RAB1A: variants seen among roughly 807,000 people sequenced by gnomAD.
The protein encoded by RAB1A is RAB1A, member RAS oncogene family.
A neutral mutation model predicts 26.0 loss-of-function variants in RAB1A; 2 were observed. The observed-to-expected ratio is 0.08, with a 90% confidence interval of 0.03 to 0.24. The LOEUF is 0.24. Ranked by LOEUF, RAB1A falls within the 10% of genes least tolerant of loss-of-function variation. The probability of loss-of-function intolerance (pLI) is 1.00; values close to 1 mark genes in which losing one functional copy is unlikely to be tolerated. For synonymous variants in RAB1A, 84 were observed against 84.9 expected (o/e 0.99, Z 0.06); for missense variants, 100 against 247.0 (o/e 0.40, Z 3.99).
At chr2:65,106,569 G>A (rs114141597) in intron 1 of RAB1A, among the ~76,000 whole-genome samples, 133 of 150,300 alleles carry the variant, frequency 8.8e-4, no homozygotes, top group African/African-American at 3.0e-3. Flanking sequence ...TATACTTATT[G>A]TCTTTAATTA....
intron 5 of RAB1A, 29 bp from the exon 6 acceptor site, chr2:65,088,719 C>A (rs139383794): frequency 6.5e-7 from 1 of 1,541,442 alleles, no homozygotes; most frequent in African/African-American, 1.4e-5. Flanking sequence ...ACAATTAACA[C>A]TGAAAAATCT....
chr2:65,096,282 T>C (rs2103832153), intron 3 of RAB1A, among the ~76,000 whole-genome samples: 1 of 152,188 alleles, frequency 6.6e-6, no homozygotes, highest in Admixed American at 6.5e-5. Flanking sequence ...GCCACTGCAC[T>C]CCAGCCTGGG....
At chr2:65,093,975 CTTTT>C (rs57541246) in intron 3 of RAB1A, among the ~76,000 whole-genome samples, 1 of 146,438 alleles carries the variant, frequency 6.8e-6, no homozygotes, top group Non-Finnish European at 1.5e-5. Flanking sequence ...AGACCCTCTT[CTTTT>C]TTTTTTTTGA....
chr2:65,117,278 G>GA (rs954891332), intron 1 of RAB1A, among the ~76,000 whole-genome samples: 7 of 151,990 alleles, frequency 4.6e-5, no homozygotes, highest in Non-Finnish European at 1.0e-4. Context: ...ATGCTGCCCA[G>GA]GTCTCAAACT....
chr2:65,118,941 C>A (rs530688137), intron 1 of RAB1A, among the ~76,000 whole-genome samples: 2 of 152,072 alleles, frequency 1.3e-5, no homozygotes, highest in African/African-American at 2.4e-5. Flanking sequence ...GTAATCCCAG[C>A]ACGTTGGGAG....
intron 1 of RAB1A, among the ~76,000 whole-genome samples, chr2:65,127,732 CAATA>C (rs985578158): frequency 6.6e-5 from 10 of 152,076 alleles, no homozygotes; most frequent in Non-Finnish European, 8.8e-5. Flanking sequence ...CGTCTCAAAA[CAATA>C]AATAATTTTT....
At chr2:65,126,963 T>C (rs1340835920) in intron 1 of RAB1A, among the ~76,000 whole-genome samples, 1 of 152,192 alleles carries the variant, frequency 6.6e-6, no homozygotes. Flanking sequence ...CCTTGTGACC[T>C]CCCCTAATAA....
At chr2:65,109,872 G>T (rs1669653453) in intron 1 of RAB1A, among the ~76,000 whole-genome samples, 2 of 152,054 alleles carry the variant, frequency 1.3e-5, no homozygotes, top group Non-Finnish European at 2.9e-5. Context: ...CTACCCTCGA[G>T]AAGTTTGGGG....
At chr2:65,089,573 C>T (rs1669120345) in intron 4 of RAB1A, among the ~76,000 whole-genome samples, 1 of 152,118 alleles carries the variant, frequency 6.6e-6, no homozygotes, top group Admixed American at 6.5e-5. Flanking sequence ...AATTTACAGG[C>T]TTAACGATGA....
chr2:65,099,846 T>C lies in RAB1A; in HGVS notation c.97-1780A>G, dbSNP rs532119747. ...AGTAGCTACTCTAAGGATAGTGCAGTTCTAGGTCTTCTAATTACAGAAAGA... is the reference window on the plus strand; with the variant it reads ...AGTAGCTACTCTAAGGATAGTGCAGCTCTAGGTCTTCTAATTACAGAAAGA... On this transcript the variant is annotated intron_variant, in intron 2 of 5. Coordinates refer to ENST00000409784, the MANE Select transcript of RAB1A (RefSeq NM_004161.5). Among the ~76,000 whole-genome samples, 3 of 152,218 alleles carry C rather than the reference T, an allele frequency of 2.0e-5. No individual in the cohort carries two copies. In the East Asian group the frequency reaches 5.8e-4, roughly 29 times the overall value.
intron 1 of RAB1A, among the ~76,000 whole-genome samples, chr2:65,120,925 T>G (rs1023366015): frequency 2.6e-5 from 4 of 152,136 alleles, no homozygotes; most frequent in Non-Finnish European, 4.4e-5. Context: ...TGAAGATCAC[T>G]AGTTTGAGAC....
At chr2:65,091,141 G>C in intron 3 of RAB1A, 63 bp from the exon 4 acceptor site, 1 of 1,265,576 alleles carries the variant, frequency 7.9e-7, no homozygotes, top group Non-Finnish European at 1.1e-6. Context: ...GAAAAGTGTA[G>C]GAGGGAGGGG....
intron 1 of RAB1A, among the ~76,000 whole-genome samples, chr2:65,126,257 T>C (rs1277735036): frequency 6.6e-6 from 1 of 151,336 alleles, no homozygotes; most frequent in Non-Finnish European, 1.5e-5. Context: ...GAGATTGCAG[T>C]GAGCCAAGAT....
At chr2:65,100,938 G>C (rs7579489) in intron 2 of RAB1A, among the ~76,000 whole-genome samples, 98,951 of 151,708 alleles carry the variant, frequency 0.65, 32,540 homozygotes, top group Non-Finnish European at 0.69. Flanking sequence ...TTGAGCTCAG[G>C]AGTTGGAGAC....
At chr2:65,105,184 C>G (rs1384267706) in intron 1 of RAB1A, among the ~76,000 whole-genome samples, 2 of 152,016 alleles carry the variant, frequency 1.3e-5, no homozygotes, top group African/African-American at 2.4e-5. Flanking sequence ...ATTGTTTTTG[C>G]CCATGAAATA....
In RAB1A at chr2:65,093,724, G is replaced by C. The variant is rs148487577; in HGVS notation, c.193-2646C>G. 7.5e-3 allele frequency among the ~76,000 whole-genome samples: 1,128 copies of C among 151,012 alleles called. 12 individuals carry two copies. Among genetic ancestry groups the C allele is most frequent in the African/African-American group, 0.026 (1,070 of 41,122 alleles). ...TGCAATCTCCGCCTCCTGGGTTCAAGTGATTCCCCTGTCTCAGCCTCCCAA... is the reference window on the plus strand; with the variant it reads ...TGCAATCTCCGCCTCCTGGGTTCAACTGATTCCCCTGTCTCAGCCTCCCAA... On this transcript the variant is annotated intron_variant, in intron 3 of 5. Coordinates refer to ENST00000409784, the MANE Select transcript of RAB1A (RefSeq NM_004161.5).
chr2:65,125,423 C>CTTT (rs35048150), intron 1 of RAB1A, among the ~76,000 whole-genome samples: 31 of 127,260 alleles, frequency 2.4e-4, no homozygotes, highest in African/African-American at 3.3e-4. Flanking sequence ...GTATTTCTTT[C>CTTT]TTTTTTTTTT....
chr2:65,109,478 T>C (rs1343202912), intron 1 of RAB1A, among the ~76,000 whole-genome samples: 1 of 151,656 alleles, frequency 6.6e-6, no homozygotes, highest in Non-Finnish European at 1.5e-5. Flanking sequence ...CCAAGGTGGG[T>C]GGATTACCTG....
At chr2:65,104,992 T>C (rs1443466263) in intron 1 of RAB1A, 186 bp from the exon 2 acceptor site, 3 of 693,470 alleles carry the variant, frequency 4.3e-6, no homozygotes, top group Non-Finnish European at 7.9e-6. Flanking sequence ...CTAAACATGA[T>C]AAAATTATGT....
Sources: allele counts gnomAD v4.1 joint callset (sites outside exome capture counted in the v4.1 genomes callset), GRCh38; gene constraint gnomAD v4.1.1; transcripts MANE v1.5; gene names NCBI Gene and HGNC (gene_info 2026-07-23, HGNC 2026-07-21).